CACNG4: variants seen among roughly 807,000 people sequenced by gnomAD.
CACNG4 encodes calcium voltage-gated channel auxiliary subunit gamma 4, also known as voltage-dependent calcium channel gamma-4 subunit.
A neutral mutation model predicts 22.9 loss-of-function variants in CACNG4; 8 were observed. The ratio of observed to expected loss-of-function variants is 0.35; its 90% CI spans 0.21 to 0.63. CACNG4 has a LOEUF of 0.63. Among genes scored for constraint, CACNG4 ranks in the 30% least tolerant of loss-of-function variants. CACNG4 has a pLI of 0.72. For synonymous variants in CACNG4, 188 were observed against 191.9 expected (o/e 0.98, Z 0.17); for missense variants, 357 against 455.4 (o/e 0.78, Z 1.97).
At chr17:67,016,621 G>A (rs541264207) in intron 1 of CACNG4, among the ~76,000 whole-genome samples, 3 of 152,314 alleles carry the variant, frequency 2.0e-5, no homozygotes, top group South Asian at 2.1e-4. Context: ...GCTTGCAGCC[G>A]CTGCAGGAAA....
chr17:67,020,486 G>A (rs1016020111), intron 2 of CACNG4, among the ~76,000 whole-genome samples: 10 of 152,240 alleles, frequency 6.6e-5, no homozygotes, highest in African/African-American at 2.2e-4. Context: ...GCACATGGAA[G>A]AGACAGCTTG....
intron 1 of CACNG4, among the ~76,000 whole-genome samples, chr17:67,016,698 G>A (rs1166726826): frequency 1.3e-5 from 2 of 152,162 alleles, no homozygotes; most frequent in Non-Finnish European, 2.9e-5. Flanking sequence ...CAGGCTGCAG[G>A]AGCAGGGGGG....
chr17:67,019,800 G>C (rs554371833), intron 2 of CACNG4: 1 of 152,238 alleles, frequency 6.6e-6, no homozygotes, highest in Non-Finnish European at 1.5e-5. Context: ...TTACTCGCCT[G>C]TCTCTGTCCC....
At chr17:67,005,156 T>G (rs1217842919) in intron 1 of CACNG4, among the ~76,000 whole-genome samples, 1 of 152,148 alleles carries the variant, frequency 6.6e-6, no homozygotes, top group South Asian at 2.1e-4. Flanking sequence ...AGAACACCAT[T>G]TTAAAAACTC....
chr17:67,028,612 G>T (rs141928742), intron 3 of CACNG4, among the ~76,000 whole-genome samples: 4 of 152,278 alleles, frequency 2.6e-5, no homozygotes, highest in Non-Finnish European at 5.9e-5. Flanking sequence ...CTTACGTCAG[G>T]CGCCCTGTGT....
At chr17:67,026,925 C>T (rs1199795190) in intron 3 of CACNG4, among the ~76,000 whole-genome samples, 1 of 150,238 alleles carries the variant, frequency 6.7e-6, no homozygotes, top group African/African-American at 2.4e-5. Flanking sequence ...TGCCCCAGTG[C>T]CCGCCACCTG....
chr17:66,990,703 C>T (rs1022094634), intron 1 of CACNG4, among the ~76,000 whole-genome samples: 4 of 142,212 alleles, frequency 2.8e-5, no homozygotes, highest in East Asian at 4.3e-4. Flanking sequence ...ATTTTTGAGA[C>T]GGAGTCTCGC....
intron 1 of CACNG4, among the ~76,000 whole-genome samples, chr17:67,014,461 G>A (rs912807588): frequency 1.3e-5 from 2 of 152,120 alleles, no homozygotes; most frequent in Non-Finnish European, 2.9e-5. Context: ...AGTCAACAGC[G>A]ATACCCAGTC....
At chr17:66,987,031 T>C (rs1476181828) in intron 1 of CACNG4, among the ~76,000 whole-genome samples, 2 of 152,154 alleles carry the variant, frequency 1.3e-5, no homozygotes, top group East Asian at 3.9e-4. Flanking sequence ...AAATATCCAG[T>C]GTATTTACAG....
rs964813318 is a variant in CACNG4, at chr17:67,018,269, C to T, written c.301C>T (p.Leu101Phe). The T allele has an allele frequency of 6.2e-7, 1 of 1,613,244 alleles. No individual in the cohort carries two copies. Among genetic ancestry groups the T allele is most frequent in the African/African-American group, 1.3e-5 (1 of 75,032 alleles). The change falls in exon 2 of 4, where the codon CTC (leucine) becomes TTC (phenylalanine). Residue 101 changes from leucine to phenylalanine, a missense_variant. Leu to Phe is a conservative substitution (Grantham distance 22). Coordinates refer to ENST00000262138, the MANE Select transcript of CACNG4 (RefSeq NM_014405.4). ...DYDHDSSEYL[L>F]RIVRASSVFP... is the part of the protein sequence containing the mutation. ...CGACCACGACAGCTCGGAGTACCTCCTCCGTGAGTGTCAGGAGGCCTGGAC... is the reference window on the plus strand; with the variant it reads ...CGACCACGACAGCTCGGAGTACCTCTTCCGTGAGTGTCAGGAGGCCTGGAC...
chr17:66,999,999 C>T (rs915193732), intron 1 of CACNG4, among the ~76,000 whole-genome samples: 1 of 152,166 alleles, frequency 6.6e-6, no homozygotes, highest in African/African-American at 2.4e-5. Flanking sequence ...ATGAAGAAGC[C>T]ACCCAGAGCA....
At chr17:66,990,976 G>A (rs756020517) in intron 1 of CACNG4, among the ~76,000 whole-genome samples, 5 of 152,010 alleles carry the variant, frequency 3.3e-5, no homozygotes, top group South Asian at 2.1e-4. Flanking sequence ...CACCGCGCCC[G>A]GCCTAAGTCT....
chr17:67,027,987 T>C lies in CACNG4; in HGVS notation c.446-2479T>C, dbSNP rs1469939307. Among the ~76,000 whole-genome samples, 1 of 151,736 alleles carries C rather than the reference T, an allele frequency of 6.6e-6. No homozygotes were observed. The highest frequency in any genetic ancestry group is 1.5e-5 in the Non-Finnish European group (1 of 67,962). On this transcript the variant is annotated intron_variant, in intron 3 of 3. Coordinates refer to ENST00000262138, the MANE Select transcript of CACNG4 (RefSeq NM_014405.4). This position sits in a 1 kb window ranked among gnomAD's most constrained non-coding sequence, Gnocchi z 4.3. ...ATGAGCTGAGATCACGCCACTGCAC[T>C]CCAGCCTGGGCGACAGAGCAAGACT...
intron 1 of CACNG4, among the ~76,000 whole-genome samples, chr17:66,968,533 TCTCCC>T: frequency 3.5e-5 from 1 of 28,732 alleles, no homozygotes. Context: ...CTCTGCCTCC[TCTCCC>T]CTCCCCTCCT....
intron 3 of CACNG4, among the ~76,000 whole-genome samples, chr17:67,028,360 T>C (rs907604606): frequency 6.6e-6 from 1 of 152,154 alleles, no homozygotes; most frequent in Admixed American, 6.5e-5. Context: ...GAGACCATTC[T>C]GGCTAACACG....
intron 1 of CACNG4, among the ~76,000 whole-genome samples, chr17:67,007,750 T>C (rs2035446045): frequency 6.6e-6 from 1 of 152,242 alleles, no homozygotes; most frequent in Non-Finnish European, 1.5e-5. Context: ...CTAACAGAGA[T>C]ATGCCCAAAT....
At chr17:66,965,196 GCGCGCGCGCGCGCGCGCACACACACACA>G in intron 1 of CACNG4, 65 bp downstream of exon 1, 2 of 382,244 alleles carry the variant, frequency 5.2e-6, no homozygotes, top group Non-Finnish European at 3.9e-6. Context: ...ATATACACAC[GCGCGCGCGCGCGCGCGCACACACACACA>G]CGCGCACACA....
intron 1 of CACNG4, among the ~76,000 whole-genome samples, chr17:67,014,199 C>T (rs1186316245): frequency 3.3e-5 from 5 of 152,198 alleles, no homozygotes; most frequent in Non-Finnish European, 7.3e-5. Flanking sequence ...CTAAATATCA[C>T]TTAATAGATA....
Position 67,030,812 on chromosome 17 carries a change from G to A in CACNG4, c.792G>A (p.Lys264=), listed in dbSNP as rs2035600228. The change falls in exon 4 of 4, where the codon AAG becomes AAA. Residue 264 remains lysine, a synonymous_variant. Transcript: ENST00000262138. This position sits in a 1 kb window ranked among gnomAD's most constrained non-coding sequence, Gnocchi z 6.4. The stretch of plus-strand genomic sequence containing the variant: ...GGGACGTGTCGCCCATGGGCCTGAA[G>A]ATCACAGGGGCCATCCCCATGGGGG... ...PSRDVSPMGL[K]ITGAIPMGEL... is the part of the protein sequence containing the mutation. 1 of 1,614,080 alleles carries A rather than the reference G, an allele frequency of 6.2e-7. No individual in the cohort carries two copies. Among genetic ancestry groups the A allele is most frequent in the Non-Finnish European group, 8.5e-7 (1 of 1,180,026 alleles).
Sources: allele counts gnomAD v4.1 joint callset (sites outside exome capture counted in the v4.1 genomes callset), GRCh38; gene constraint gnomAD v4.1.1; non-coding constraint Gnocchi (gnomAD v3.1); transcripts MANE v1.5; gene names NCBI Gene and HGNC (gene_info 2026-07-23, HGNC 2026-07-21).